The following TRIO variants were observed in gnomAD, a reference collection of about 807,000 sequenced individuals.
TRIO encodes trio Rho guanine nucleotide exchange factor.
In TRIO, 58 loss-of-function variants were observed where a neutral mutation model predicts 351.9. The ratio of observed to expected loss-of-function variants is 0.16; its 90% CI spans 0.13 to 0.21. The LOEUF is 0.21. Ranked by LOEUF, TRIO falls within the 10% of genes least tolerant of loss-of-function variation. The pLI, the probability that TRIO is intolerant of heterozygous loss-of-function variation, is 1.00. For synonymous variants in TRIO, 1,758 were observed against 1,595.7 expected (o/e 1.10, Z -2.42); for missense variants, 3,201 against 4,027.8 (o/e 0.79, Z 5.56).
chr5:14,350,119 G>A (rs542690979), intron 11 of TRIO, among the ~76,000 whole-genome samples: 1 of 152,304 alleles, frequency 6.6e-6, no homozygotes, highest in East Asian at 1.9e-4. Context: ...GAGTGAGCTT[G>A]TGTCAAAGGA....
chr5:14,399,001 C>A lies in TRIO; in HGVS notation c.4545C>A (p.Ser1515=), dbSNP rs776434900. 5.0e-6 allele frequency: 8 copies of A among 1,614,052 alleles called. No individual in the cohort carries two copies. The highest frequency in any genetic ancestry group is 6.8e-6 in the Non-Finnish European group (8 of 1,180,012). ...RERHLFLFEM[S]LVFSKEVKDS... is the part of the protein sequence containing the mutation. ...GGCATCTCTTCCTTTTTGAAATGTC[C>A]TTAGTATTTAGTAAAGAAGTGAAAG... The change falls in exon 30 of 57, where the codon TCC becomes TCA. Residue 1515 remains serine (S), a synonymous_variant. Transcript: ENST00000344204.
rs941942980 is a variant in TRIO, at chr5:14,387,957, T to G, written c.3881+110T>G. On this transcript the variant is annotated intron_variant, in intron 23 of 56. Coordinates refer to ENST00000344204, the MANE Select transcript of TRIO (RefSeq NM_007118.4). The stretch of plus-strand genomic sequence containing the variant: ...TTGAAGTCACATGGCACCCAGGCTT[T>G]TTGTTGCTCTGGGTGGACTTAGTTG... The G allele has an allele frequency of 3.5e-6, 4 of 1,154,294 alleles. No homozygotes were observed. The African/African-American group carries it at 6.1e-5, about 18-fold the overall frequency. 71.5% of individuals were successfully genotyped at this position (1,154,294 alleles called of 1,614,324 possible). A position where few individuals can be genotyped will look rare whatever the true frequency, so the allele number is the denominator to read the frequency against.
intron 41 of TRIO, 65 bp downstream of exon 41, chr5:14,477,028 G>C (rs923960564): frequency 1.1e-4 from 158 of 1,414,950 alleles, no homozygotes; most frequent in Non-Finnish European, 1.5e-4. Context: ...TGGTTTGTCA[G>C]ATTAAAGGAG....
intron 29 of TRIO, among the ~76,000 whole-genome samples, chr5:14,397,853 A>C (rs897697502): frequency 2.6e-5 from 4 of 152,052 alleles, no homozygotes; most frequent in Non-Finnish European, 5.9e-5. Flanking sequence ...TAAAATGCTG[A>C]TCTGGTATGG....
intron 1 of TRIO, among the ~76,000 whole-genome samples, chr5:14,157,272 C>T (rs1055487640): frequency 3.2e-4 from 49 of 152,286 alleles, no homozygotes; most frequent in African/African-American, 1.1e-3. Context: ...TGCCTCAGTG[C>T]GGGATTTCTG....
At chr5:14,473,950 G>C in intron 39 of TRIO, 44 bp from the exon 40 acceptor site, 1 of 1,578,162 alleles carries the variant, frequency 6.3e-7, no homozygotes, top group Non-Finnish European at 8.7e-7. Context: ...AGTTGATTCA[G>C]ACATATTCCA....
chr5:14,488,181 C>A lies in TRIO; in HGVS notation c.7553C>A (p.Ala2518Asp), dbSNP rs767575412. 8.7e-6 allele frequency: 14 copies of A among 1,600,828 alleles called. No individual in the cohort carries two copies. The highest frequency in any genetic ancestry group is 3.3e-4 in the Middle Eastern group (2 of 6,080). Reference protein sequence around the residue: ...SLQRQTPRHAAPGKDTDRMST... With the variant: ...SLQRQTPRHADPGKDTDRMST... ...CAGCGGCAGACACCCCGCCACGCGG[C>A]CCCTGGCAAGGATACTGACCGCATG... Residue 2518 changes from alanine (A) to aspartate (D), a missense_variant, in exon 48 of 57, where the codon GCC becomes GAC. Transcript: ENST00000344204.
intron 33 of TRIO, among the ~76,000 whole-genome samples, chr5:14,414,786 C>T (rs1198089118): frequency 1.3e-5 from 2 of 152,076 alleles, no homozygotes; most frequent in Admixed American, 1.3e-4. Context: ...GGAATTTGAC[C>T]TTATGTAAAG....
intron 10 of TRIO, among the ~76,000 whole-genome samples, chr5:14,333,975 G>A (rs1416254942): frequency 6.6e-6 from 1 of 152,214 alleles, no homozygotes; most frequent in East Asian, 1.9e-4. Flanking sequence ...CCCTGACTCT[G>A]ATATCCTCCC....
chr5:14,330,766 A>G lies in TRIO; in HGVS notation c.1732-12A>G, dbSNP rs928539693. ...TTGTTTTTATGGCATATGTACCTGT[A>G]TTTCATTGTAGGTGCTAGACTGGAT... On this transcript the variant is annotated splice_polypyrimidine_tract_variant and intron_variant, in intron 9 of 56. Transcript: ENST00000344204. 1.2e-6 allele frequency: 2 copies of G among 1,613,668 alleles called. No individual in the cohort carries two copies. The highest frequency in any genetic ancestry group is 1.7e-6 in the Non-Finnish European group (2 of 1,179,718).
At chr5:14,284,551 C>A (rs975079886) in intron 3 of TRIO, among the ~76,000 whole-genome samples, 1 of 152,224 alleles carries the variant, frequency 6.6e-6, no homozygotes, top group African/African-American at 2.4e-5. Context: ...CTTCTGTAAA[C>A]TGTGCAAGCT....
Position 14,363,769 on chromosome 5 carries a change from C to G in TRIO, c.2429C>G (p.Ser810Cys). 2 of 1,614,106 alleles carry G rather than the reference C, an allele frequency of 1.2e-6. No individual in the cohort carries two copies. Among genetic ancestry groups the G allele is most frequent in the South Asian group, 2.2e-5 (2 of 91,078 alleles). The change falls in exon 14 of 57, where the codon TCT becomes TGT. Residue 810 changes from serine (S) to cysteine (C), a missense_variant. Ser to Cys is a moderately radical substitution (Grantham distance 112). Coordinates refer to ENST00000344204, the MANE Select transcript of TRIO (RefSeq NM_007118.4). ...CTCGAGTCTTGGAATGATGAGCTTT[C>G]TCAGCAAATGAATGACTTCGACACA... is the stretch of plus-strand genomic sequence containing the variant. ...SDLESWNDEL[S>C]QQMNDFDTED...
chr5:14,148,542 C>T (rs1787649234), intron 1 of TRIO, among the ~76,000 whole-genome samples: 1 of 152,188 alleles, frequency 6.6e-6, no homozygotes, highest in South Asian at 2.1e-4. Context: ...CTACAAAAAG[C>T]AGTGATAACA....
rs748937366 is a variant in TRIO, at chr5:14,363,912, G to A, written c.2572G>A (p.Glu858Lys). 20 of 1,614,006 alleles carry A rather than the reference G, an allele frequency of 1.2e-5. No homozygotes were observed. Among genetic ancestry groups the A allele is most frequent in the Non-Finnish European group, 1.7e-5 (20 of 1,180,012 alleles). The change falls in exon 14 of 57, where the codon GAG (glutamate) becomes AAG (lysine). Residue 858 changes from glutamate (E) to lysine (K), a missense_variant. Transcript: ENST00000344204. ...GCAAGATCTTCTGCAGTATGTCAAT[G>A]AGGTCCAGGCCTCTGGTAAGAGGGC... ...QGQDLLQYVN[E>K]VQASGVELLC... is the part of the protein sequence containing the mutation.
chr5:14,207,262 T>TACACACACACACACAC (rs56915481), intron 1 of TRIO, among the ~76,000 whole-genome samples: 959 of 46,048 alleles, frequency 0.021, 162 homozygotes, highest in Non-Finnish European at 0.024. Flanking sequence ...AGATGGTCTC[T>TACACACACACACACAC]ACACACACAC....
In TRIO at chr5:14,462,747, G is replaced by C. The variant is rs1316794769; in HGVS notation, c.5497-8G>C. The C allele has an allele frequency of 6.2e-7, 1 of 1,614,002 alleles. No homozygotes were observed. Among genetic ancestry groups the C allele is most frequent in the African/African-American group, 1.3e-5 (1 of 75,034 alleles). ...GAATATAATGAGCAAATCTTGACTG[G>C]ATTTCAGAGAGGCCGGAACGAGGGC... On this transcript the variant is annotated splice_region_variant and splice_polypyrimidine_tract_variant and intron_variant, in intron 35 of 56. Transcript: ENST00000344204.
chr5:14,264,027 A>G (rs999195590), intron 1 of TRIO, among the ~76,000 whole-genome samples: 2 of 152,134 alleles, frequency 1.3e-5, no homozygotes, highest in African/African-American at 4.8e-5. Context: ...TTATAATACT[A>G]CTACTTCTTG....
intron 34 of TRIO, among the ~76,000 whole-genome samples, chr5:14,434,553 C>T (rs1307296138): frequency 6.6e-6 from 1 of 151,982 alleles, no homozygotes; most frequent in African/African-American, 2.4e-5. Context: ...AAAAATAGTT[C>T]AGAGAATTTC....
intron 37 of TRIO, 30 bp downstream of exon 37, chr5:14,465,670 T>C (rs1338229664): frequency 1.2e-6 from 2 of 1,611,286 alleles, no homozygotes; most frequent in Non-Finnish European, 1.7e-6. Flanking sequence ...GTCTGACTTT[T>C]GGAAGCTGCT....
Sources: gnomAD v4.1 joint callset for allele counts (sites outside exome capture counted in the v4.1 genomes callset) on GRCh38, gnomAD v4.1.1 for gene constraint, MANE v1.5 for transcripts, NCBI Gene and HGNC (gene_info 2026-07-23, HGNC 2026-07-21) for gene names.